IQCH: variants seen among roughly 807,000 people sequenced by gnomAD.
The protein encoded by IQCH is IQ motif containing H, also known as IQ domain-containing protein H.
In IQCH, 98 loss-of-function variants were observed where a neutral mutation model predicts 117.0. The ratio of observed to expected loss-of-function variants is 0.84; its 90% CI spans 0.71 to 0.99. IQCH has a LOEUF of 0.99. IQCH is among the 50% of genes least tolerant of loss of function. The pLI, the probability that IQCH is intolerant of heterozygous loss-of-function variation, is 0.00. For synonymous variants in IQCH, 412 were observed against 448.2 expected (o/e 0.92, Z 1.02); for missense variants, 1,102 against 1,243.8 (o/e 0.89, Z 1.72).
At chr15:67,296,505 T>C (rs1966853346) in intron 4 of IQCH, among the ~76,000 whole-genome samples, 1 of 152,066 alleles carries the variant, frequency 6.6e-6, no homozygotes, top group Non-Finnish European at 1.5e-5. Flanking sequence ...AGAGACGTAT[T>C]GGATTCAGTG....
intron 7 of IQCH, among the ~76,000 whole-genome samples, chr15:67,358,207 C>CTTTTTTTTTTCTT (rs1969988935): frequency 1.9e-4 from 2 of 10,450 alleles, no homozygotes; most frequent in African/African-American, 6.9e-4. Context: ...ACTTTCTTTT[C>CTTTTTTTTTTCTT]TTTTTTTTTT....
rs1209320503 is a variant in IQCH, at chr15:67,384,663, T to C, written c.1373-273T>C. ...TATTGCATGTCAGAAATTTTCTCCATGTTTTGTCATCTTGATTCTTAGCAG... is the reference window on the plus strand; with the variant it reads ...TATTGCATGTCAGAAATTTTCTCCACGTTTTGTCATCTTGATTCTTAGCAG... On this transcript the variant is annotated intron_variant, in intron 10 of 20. Coordinates refer to ENST00000335894, the MANE Select transcript of IQCH (RefSeq NM_001031715.3). The surrounding 1 kb of genome is among the most constrained non-coding windows in gnomAD (Gnocchi z 4.3). Among the ~76,000 whole-genome samples the C allele has an allele frequency of 6.6e-6, 1 of 152,086 alleles. No individual in the cohort carries two copies. Among genetic ancestry groups the C allele is most frequent in the South Asian group, 2.1e-4 (1 of 4,822 alleles).
intron 16 of IQCH, among the ~76,000 whole-genome samples, chr15:67,439,913 CG>C (rs1012379643): frequency 6.2e-5 from 9 of 145,478 alleles, no homozygotes; most frequent in African/African-American, 2.3e-4. Context: ...AAAATACAAA[CG>C]ATAAATGAAA....
At chr15:67,444,519 A>C (rs981369732) in intron 16 of IQCH, among the ~76,000 whole-genome samples, 2 of 152,168 alleles carry the variant, frequency 1.3e-5, no homozygotes, top group Non-Finnish European at 1.5e-5. Flanking sequence ...CCAGGCAAAA[A>C]CCTGCATCTC....
intron 16 of IQCH, among the ~76,000 whole-genome samples, chr15:67,444,549 A>G (rs1184061493): frequency 6.6e-6 from 1 of 152,192 alleles, no homozygotes; most frequent in Non-Finnish European, 1.5e-5. Flanking sequence ...TAGGGCAACC[A>G]CTTAAGTATT....
At chr15:67,259,857 G>T (rs1007948473) in intron 1 of IQCH, among the ~76,000 whole-genome samples, 1 of 152,236 alleles carries the variant, frequency 6.6e-6, no homozygotes, top group Non-Finnish European at 1.5e-5. Context: ...GTGCTTACAA[G>T]CAAGCAGTAG....
intron 14 of IQCH, among the ~76,000 whole-genome samples, chr15:67,409,813 T>G: frequency 6.6e-6 from 1 of 152,240 alleles, no homozygotes; most frequent in Admixed American, 6.5e-5. Flanking sequence ...ATGTTGGCTG[T>G]TTTACATTAT....
intron 16 of IQCH, among the ~76,000 whole-genome samples, chr15:67,449,068 GTTGT>G (rs139035764): frequency 0.83 from 119,079 of 143,146 alleles, 49,237 homozygotes; most frequent in Middle Eastern, 0.88. Flanking sequence ...TTTTGATGGG[GTTGT>G]TTGTTTTTTT....
Position 67,385,201 on chromosome 15 carries a change from A to ATTTT in IQCH, c.1456+182_1456+183insTTTT, listed in dbSNP as rs1971072549. Among the ~76,000 whole-genome samples the ATTTT allele has an allele frequency of 6.6e-6, 1 of 152,170 alleles. No homozygotes were observed. ...TATTTTAAAAAACATATTTGTAGTA[A>ATTTT]AATCAACTTGAATAAAAAATGACAT... is the stretch of plus-strand genomic sequence containing the variant. On this transcript the variant is annotated intron_variant, in intron 11 of 20. Transcript: ENST00000335894. The surrounding 1 kb of genome is among the most constrained non-coding windows in gnomAD (Gnocchi z 4.6).
Position 67,432,151 on chromosome 15 carries a change from A to G in IQCH, c.2505+10574A>G, listed in dbSNP as rs2082034182. ...CTTTTTTTGAAAAAGGAAATTAAAG[A>G]AAATCCAAGCTTTAAGAAGAATTGA... On this transcript the variant is annotated intron_variant, in intron 16 of 20. Coordinates refer to ENST00000335894, the MANE Select transcript of IQCH (RefSeq NM_001031715.3). This position sits in a 1 kb window ranked among gnomAD's most constrained non-coding sequence, Gnocchi z 5.0. Among the ~76,000 whole-genome samples the G allele has an allele frequency of 6.6e-6, 1 of 152,230 alleles. No individual in the cohort carries two copies. Among genetic ancestry groups the G allele is most frequent in the Non-Finnish European group, 1.5e-5 (1 of 68,040 alleles).
intron 6 of IQCH, among the ~76,000 whole-genome samples, chr15:67,351,300 C>T (rs1969652141): frequency 6.6e-6 from 1 of 151,148 alleles, no homozygotes; most frequent in Non-Finnish European, 1.5e-5. Flanking sequence ...TCTGTGTGTT[C>T]TCATTGTTCA....
chr15:67,277,627 G>A (rs1255296103), intron 3 of IQCH, among the ~76,000 whole-genome samples: 1 of 150,620 alleles, frequency 6.6e-6, no homozygotes, highest in African/African-American at 2.5e-5. Flanking sequence ...TCCGCCTTCC[G>A]GGTTCATGCC....
Position 67,436,012 on chromosome 15 carries a change from G to A in IQCH, c.2505+14435G>A, listed in dbSNP as rs745633948. Among the ~76,000 whole-genome samples, 1 of 151,994 alleles carries A rather than the reference G, an allele frequency of 6.6e-6. No individual in the cohort carries two copies. The highest frequency in any genetic ancestry group is 1.5e-5 in the Non-Finnish European group (1 of 68,002). On this transcript the variant is annotated intron_variant, in intron 16 of 20. Transcript: ENST00000335894. This position sits in a 1 kb window ranked among gnomAD's most constrained non-coding sequence, Gnocchi z 5.1. ...TAATTTTACCTGTAATGTAAATGTTGCGGTGGAAAAGTACATTTGCTTTAG... is the reference window on the plus strand; with the variant it reads ...TAATTTTACCTGTAATGTAAATGTTACGGTGGAAAAGTACATTTGCTTTAG...
chr15:67,494,379 TTAAC>T lies in IQCH; in HGVS notation c.2970+18_2970+21del. Reference sequence around the variant, plus strand: ...GACCAATTTTAAGGTGAGGTGTTAATTAACTAACGATTCTGGTTAATTTCTATAC... The same window carrying T: ...GACCAATTTTAAGGTGAGGTGTTAATTAACGATTCTGGTTAATTTCTATAC... On this transcript the variant is annotated intron_variant, in intron 20 of 20. Transcript: ENST00000335894. This position sits in a 1 kb window ranked among gnomAD's most constrained non-coding sequence, Gnocchi z 5.5. 5 of 1,554,496 alleles carry T rather than the reference TTAAC, an allele frequency of 3.2e-6. No individual in the cohort carries two copies. The South Asian group carries it at 3.4e-5, about 11-fold the overall frequency.
rs1484380248 is a variant in IQCH, at chr15:67,388,081, C to G, written c.1457-750C>G. ...AACAAATGAATGACTTCATTGACTG[C>G]TGATTTCCTATTCATACTCCCTGAA... On this transcript the variant is annotated intron_variant, in intron 11 of 20. Coordinates refer to ENST00000335894, the MANE Select transcript of IQCH (RefSeq NM_001031715.3). The surrounding 1 kb of genome is among the most constrained non-coding windows in gnomAD (Gnocchi z 5.5). Among the ~76,000 whole-genome samples, 2 of 152,200 alleles carry G rather than the reference C, an allele frequency of 1.3e-5. No individual in the cohort carries two copies. Among genetic ancestry groups the G allele is most frequent in the Non-Finnish European group, 2.9e-5 (2 of 68,048 alleles).
chr15:67,362,486 T>C (rs1970177511), intron 8 of IQCH, among the ~76,000 whole-genome samples: 1 of 152,224 alleles, frequency 6.6e-6, no homozygotes, highest in South Asian at 2.1e-4. Flanking sequence ...TCCCACCATA[T>C]ACTTCTGATC....
At position 67,459,918 on chromosome 15, in the gene IQCH, C is replaced by T. The variant is rs1033129815; in HGVS notation, c.2506-5209C>T. 2.0e-5 allele frequency: 3 copies of T among 152,038 alleles called. No homozygotes were observed. Among genetic ancestry groups the T allele is most frequent in the Non-Finnish European group, 2.9e-5 (2 of 68,032 alleles). 9.4% of individuals were successfully genotyped at this position (152,038 alleles called of 1,614,324 possible). On this transcript the variant is annotated intron_variant, in intron 16 of 20. Transcript: ENST00000335894. This position sits in a 1 kb window ranked among gnomAD's most constrained non-coding sequence, Gnocchi z 4.2. ...ATCCCAACACTTTTGGAGGCCAAGGCGAGAGTATCATTTGAACGCAGGAGT... is the reference window on the plus strand; with the variant it reads ...ATCCCAACACTTTTGGAGGCCAAGGTGAGAGTATCATTTGAACGCAGGAGT...
chr15:67,278,199 G>T (rs771688309), intron 3 of IQCH, among the ~76,000 whole-genome samples: 1 of 152,130 alleles, frequency 6.6e-6, no homozygotes, highest in African/African-American at 2.4e-5. Context: ...TACAGAGAAC[G>T]GAACGAAGAA....
At chr15:67,312,080 T>G (rs1171559418) in intron 4 of IQCH, among the ~76,000 whole-genome samples, 1 of 152,164 alleles carries the variant, frequency 6.6e-6, no homozygotes, top group African/African-American at 2.4e-5. Context: ...GAGTATTTGT[T>G]TGATTACATA....
Sources: gnomAD v4.1 joint callset for allele counts (sites outside exome capture counted in the v4.1 genomes callset) on GRCh38, gnomAD v4.1.1 for gene constraint, Gnocchi (gnomAD v3.1) non-coding constraint, MANE v1.5 for transcripts, NCBI Gene and HGNC (gene_info 2026-07-23, HGNC 2026-07-21) for gene names.